The following CDC37 variants were observed in gnomAD, a reference collection of about 807,000 sequenced individuals.
CDC37 encodes hsp90 co-chaperone Cdc37.
In CDC37, 9 loss-of-function variants were observed where a neutral mutation model predicts 46.9. That is an observed-to-expected ratio of 0.19 (90% CI 0.12 to 0.33). The LOEUF is 0.33. Ranked by LOEUF, CDC37 falls within the 10% of genes least tolerant of loss-of-function variation. CDC37 has a pLI of 1.00. For synonymous variants in CDC37, 193 were observed against 191.0 expected, an observed-to-expected ratio of 1.01 and a Z score of -0.09; for missense variants, 388 against 514.6, an observed-to-expected ratio of 0.75 and a Z score of 2.38.
In CDC37 at chr19:10,391,658, G is replaced by C. The variant is rs1393647573; in HGVS notation, c.1030C>G (p.Pro344Ala). 1 of 1,614,110 alleles carries C rather than the reference G, an allele frequency of 6.2e-7. No homozygotes were observed. The highest frequency in any genetic ancestry group is 1.1e-5 in the South Asian group (1 of 91,090). ...TTGGCCTCGCTGGCCTTAGAGTTGGGGACCCAGAGGCCAGAGTCAATGCAG... is the reference window on the plus strand; with the variant it reads ...TTGGCCTCGCTGGCCTTAGAGTTGGCGACCCAGAGGCCAGAGTCAATGCAG... ...QRCIDSGLWV[P>A]NSKASEAKEG... is the part of the protein sequence containing the mutation. The change falls in exon 8 of 8, where the codon CCC becomes GCC. Residue 344 changes from proline to alanine, a missense_variant. Physicochemically the swap from Pro to Ala is conservative, Grantham distance 27. Coordinates refer to ENST00000222005, the MANE Select transcript of CDC37 (RefSeq NM_007065.4).
Position 10,396,083 on chromosome 19 carries a change from C to A in CDC37, c.223G>T (p.Glu75Ter). 1 of 1,614,070 alleles carries A rather than the reference C, an allele frequency of 6.2e-7. No homozygotes were observed. The highest frequency in any genetic ancestry group is 8.5e-7 in the Non-Finnish European group (1 of 1,179,960). ...QRKLKELEVAEGGKAELERLQ... is the reference protein window; with the variant it reads ...QRKLKELEVA ...CGCTCCAGCTCTGCCTTGCCGCCCTCGGCCACCTCCAGCTCCTTCAGTTTC... is the reference window on the plus strand; with the variant it reads ...CGCTCCAGCTCTGCCTTGCCGCCCTAGGCCACCTCCAGCTCCTTCAGTTTC... The change falls in exon 2 of 8, where the codon GAG becomes TAG. Residue 75 changes from glutamate to a stop codon, truncating the protein, a stop_gained. Transcript: ENST00000222005. LOFTEE classifies it high-confidence loss of function. This position sits in a 1 kb window ranked among gnomAD's most constrained non-coding sequence, Gnocchi z 5.9.
Position 10,393,754 on chromosome 19 carries a change from C to T in CDC37, c.727-313G>A. 1 of 338,680 alleles carries T rather than the reference C, an allele frequency of 3.0e-6. No homozygotes were observed. Among genetic ancestry groups the T allele is most frequent in the Non-Finnish European group, 5.4e-6 (1 of 184,288 alleles). The allele number at this position is 338,680 out of a possible 1,614,324, so 21.0% of individuals were successfully genotyped here. A position where few individuals can be genotyped will look rare whatever the true frequency, so the allele number is the denominator to read the frequency against. ...CTGCCTTGTCCTTGGTCTCCCTAATCTCGGTAAGGATAGCCCTGTTCCTCC... is the reference window on the plus strand; with the variant it reads ...CTGCCTTGTCCTTGGTCTCCCTAATTTCGGTAAGGATAGCCCTGTTCCTCC... On this transcript the variant is annotated intron_variant, in intron 5 of 7. Coordinates refer to ENST00000222005, the MANE Select transcript of CDC37 (RefSeq NM_007065.4). This position sits in a 1 kb window ranked among gnomAD's most constrained non-coding sequence, Gnocchi z 4.9.
intron 1 of CDC37, among the ~76,000 whole-genome samples, chr19:10,401,329 T>G (rs1386141553): frequency 6.6e-6 from 1 of 152,170 alleles, no homozygotes. Context: ...CTGGAGACGC[T>G]GAAGCCCCCT....
intron 1 of CDC37, among the ~76,000 whole-genome samples, chr19:10,403,112 G>T (rs1476456917): frequency 6.6e-6 from 1 of 152,134 alleles, no homozygotes; most frequent in Non-Finnish European, 1.5e-5. Flanking sequence ...TCGTCTAGGG[G>T]ACTCCAGACT....
intron 7 of CDC37, chr19:10,392,777 C>G (rs1432681527): frequency 6.6e-6 from 3 of 452,524 alleles, no homozygotes; most frequent in Non-Finnish European, 1.2e-5. Flanking sequence ...ACCTCCCTTT[C>G]CCACGCATTT....
intron 7 of CDC37, 42 bp from the exon 8 acceptor site, chr19:10,391,748 G>A (rs769808312): frequency 5.6e-6 from 9 of 1,601,490 alleles, no homozygotes; most frequent in Non-Finnish European, 7.7e-6. Flanking sequence ...GCCGCCAGCC[G>A]GTGGTCCCCG....
rs1167371679 is a variant in CDC37, at chr19:10,400,282, T to C, written c.102+3096A>G. On this transcript the variant is annotated intron_variant, in intron 1 of 7. Transcript: ENST00000222005. ...TGAGGCTCACAGAATCTCAATGTCA[T>C]ACAACTCATTAGAAGAAACCACTAA... Among the ~76,000 whole-genome samples the C allele has an allele frequency of 5.9e-5, 9 of 152,218 alleles. 1 individual carries two copies. In the South Asian group the frequency reaches 1.7e-3, roughly 28 times the overall value.
rs28382795 is a variant in CDC37 at position 10,391,306 on chromosome 19, G to A, written c.*245C>T. 6.1e-5 allele frequency: 32 copies of A among 525,892 alleles called. No individual in the cohort carries two copies. The highest frequency in any genetic ancestry group is 4.6e-4 in the African/African-American group (24 of 51,982). 32.6% of individuals were successfully genotyped at this position (525,892 alleles called of 1,614,324 possible). A position where few individuals can be genotyped will look rare whatever the true frequency, so the allele number is the denominator to read the frequency against. On this transcript the variant is annotated 3_prime_UTR_variant, in exon 8 of 8. Coordinates refer to ENST00000222005, the MANE Select transcript of CDC37 (RefSeq NM_007065.4). ...GACCTCTGCCCTTCCCCGGACCCCCGGGCCTTTGGCATAATGCTGATGGGG... is the reference window on the plus strand; with the variant it reads ...GACCTCTGCCCTTCCCCGGACCCCCAGGCCTTTGGCATAATGCTGATGGGG...
At chr19:10,399,480 A>AG (rs2042507512) in intron 1 of CDC37, among the ~76,000 whole-genome samples, 1 of 150,326 alleles carries the variant, frequency 6.7e-6, no homozygotes, top group Non-Finnish European at 1.5e-5. Context: ...AAAAAAAAAA[A>AG]AAAAAAAAGC....
chr19:10,394,885 C>T, intron 5 of CDC37, 136 bp downstream of exon 5: 3 of 974,418 alleles, frequency 3.1e-6, no homozygotes, highest in Non-Finnish European at 4.3e-6. Flanking sequence ...TCCCTGGCCC[C>T]ACCCTCTCCT....
At chr19:10,402,054 G>C (rs1436531021) in intron 1 of CDC37, among the ~76,000 whole-genome samples, 1 of 151,504 alleles carries the variant, frequency 6.6e-6, no homozygotes, top group Non-Finnish European at 1.5e-5. Flanking sequence ...CTACTCAGGA[G>C]GCTGAGGCAG....
chr19:10,396,413 G>A lies in CDC37; in HGVS notation c.103-210C>T, dbSNP rs777501075. 8.5e-5 allele frequency among the ~76,000 whole-genome samples: 13 copies of A among 152,106 alleles called. No individual in the cohort carries two copies. The highest frequency in any genetic ancestry group is 1.6e-4 in the Non-Finnish European group (11 of 68,016). ...TCCGTCCTCTGCTCAGAACCCTGGC[G>A]GCTCCCATCTCACAGCAGAACCCAA... On this transcript the variant is annotated intron_variant, in intron 1 of 7. Coordinates refer to ENST00000222005, the MANE Select transcript of CDC37 (RefSeq NM_007065.4). The surrounding 1 kb of genome is among the most constrained non-coding windows in gnomAD (Gnocchi z 5.9).
At chr19:10,391,775 T>C (rs2042458730) in intron 7 of CDC37, 69 bp from the exon 8 acceptor site, 2 of 1,514,694 alleles carry the variant, frequency 1.3e-6, no homozygotes, top group African/African-American at 1.4e-5. Flanking sequence ...CCGTTGTCCC[T>C]TGCACATCCC....
chr19:10,395,893 G>A (rs762754200), intron 2 of CDC37, 35 bp downstream of exon 2: 13 of 1,600,364 alleles, frequency 8.1e-6, no homozygotes, highest in Middle Eastern at 3.3e-4. Flanking sequence ...CTCTGGCTGC[G>A]CATGCGCACT....
intron 7 of CDC37, 102 bp from the exon 8 acceptor site, chr19:10,391,808 A>G: frequency 8.2e-7 from 1 of 1,221,882 alleles, no homozygotes; most frequent in South Asian, 1.4e-5. Context: ...CTGCCTATTG[A>G]TATTTTACCT....
At position 10,403,474 on chromosome 19, in the gene CDC37, C is replaced by T; in HGVS notation, c.6G>A (p.Val2=). The T allele has an allele frequency of 6.2e-7, 1 of 1,612,698 alleles. No homozygotes were observed. The highest frequency in any genetic ancestry group is 1.1e-5 in the South Asian group (1 of 91,054). The part of the protein sequence containing the change: M[V]DYSVWDHIEV... Reference sequence around the variant, plus strand: ...CAATGTGGTCCCACACGCTGTAGTCCACCATCTTGCCTTGGCGGCCCAGCC... The same window carrying T: ...CAATGTGGTCCCACACGCTGTAGTCTACCATCTTGCCTTGGCGGCCCAGCC... The change falls in exon 1 of 8, where the codon GTG becomes GTA. Residue 2 remains valine, a synonymous_variant. Coordinates refer to ENST00000222005, the MANE Select transcript of CDC37 (RefSeq NM_007065.4).
chr19:10,401,650 A>G (rs1435777625), intron 1 of CDC37, among the ~76,000 whole-genome samples: 1 of 152,200 alleles, frequency 6.6e-6, no homozygotes, highest in Non-Finnish European at 1.5e-5. Flanking sequence ...TGGCAGGTAC[A>G]CTACCCAGGA....
Position 10,391,281 on chromosome 19 carries a change from G to A in CDC37, c.*270C>T. 2.1e-6 allele frequency: 1 copy of A among 479,290 alleles called. No homozygotes were observed. The highest frequency in any genetic ancestry group is 2.4e-5 in the South Asian group (1 of 41,186). 29.7% of individuals were successfully genotyped at this position (479,290 alleles called of 1,614,324 possible). ...CAACTACCTGGTAGACCAGCCTGGTGACCTCTGCCCTTCCCCGGACCCCCG... is the reference window on the plus strand; with the variant it reads ...CAACTACCTGGTAGACCAGCCTGGTAACCTCTGCCCTTCCCCGGACCCCCG... On this transcript the variant is annotated 3_prime_UTR_variant, in exon 8 of 8. Coordinates refer to ENST00000222005, the MANE Select transcript of CDC37 (RefSeq NM_007065.4).
At position 10,403,510 on chromosome 19, in the gene CDC37, C is replaced by A. The variant is rs755543857; in HGVS notation, c.-31G>T. 2 of 1,543,484 alleles carry A rather than the reference C, an allele frequency of 1.3e-6. No homozygotes were observed. The highest frequency in any genetic ancestry group is 8.9e-7 in the Non-Finnish European group (1 of 1,120,718). ...CTTGGCGGCCCAGCCCGCTCCGGCT[C>A]GGGTGGCGGCGACGGCGGCAGCAGT... On this transcript the variant is annotated 5_prime_UTR_variant, in exon 1 of 8. Transcript: ENST00000222005.
Sources: allele counts gnomAD v4.1 joint callset (sites outside exome capture counted in the v4.1 genomes callset), GRCh38; gene constraint gnomAD v4.1.1; non-coding constraint Gnocchi (gnomAD v3.1); transcripts MANE v1.5; gene names NCBI Gene and HGNC (gene_info 2026-07-23, HGNC 2026-07-21).